The following PTCD3 variants were observed in gnomAD, a reference collection of about 807,000 sequenced individuals.
The protein encoded by PTCD3 is small ribosomal subunit protein mS39.
PTCD3 carries 89 observed loss-of-function variants against 101.9 expected under a neutral mutation model. The ratio of observed to expected loss-of-function variants is 0.87; its 90% CI spans 0.74 to 1.04. The LOEUF is 1.04. Ranked by LOEUF, PTCD3 falls within the 50% of genes least tolerant of loss-of-function variation. The pLI is 0.00. For synonymous variants in PTCD3, 296 were observed against 278.5 expected, an observed-to-expected ratio of 1.06 and a Z score of -0.63; for missense variants, 870 against 828.2, an observed-to-expected ratio of 1.05 and a Z score of -0.62.
rs1674687946 is a variant in PTCD3, at chr2:86,141,692, G to C, written c.*4133G>C. On this transcript the variant is annotated 3_prime_UTR_variant, in exon 24 of 24. Coordinates refer to ENST00000254630, the MANE Select transcript of PTCD3 (RefSeq NM_017952.6). ...CATCAGTGAGGAGGGAGGCAATAAAGTAATTTCAGAGTAAAACAGATTGAG... is the reference window on the plus strand; with the variant it reads ...CATCAGTGAGGAGGGAGGCAATAAACTAATTTCAGAGTAAAACAGATTGAG... 6.6e-6 allele frequency: 1 copy of C among 152,220 alleles called. No homozygotes were observed. The highest frequency in any genetic ancestry group is 1.5e-5 in the Non-Finnish European group (1 of 68,040). 9.4% of individuals were successfully genotyped at this position (152,220 alleles called of 1,614,324 possible).
chr2:86,120,424 G>A (rs555641945), intron 7 of PTCD3, among the ~76,000 whole-genome samples: 34 of 151,922 alleles, frequency 2.2e-4, no homozygotes, highest in African/African-American at 6.6e-4. Context: ...TCATTGGTGT[G>A]TTTTATAATA....
chr2:86,107,136 A>T (rs904884319), intron 1 of PTCD3: 1 of 471,018 alleles, frequency 2.1e-6, no homozygotes, highest in Non-Finnish European at 4.4e-6. Context: ...AAGAAAGAGA[A>T]ACCACTCCAT....
chr2:86,126,240 AAAAG>A (rs869098845), intron 12 of PTCD3, among the ~76,000 whole-genome samples: 13 of 150,808 alleles, frequency 8.6e-5, no homozygotes, highest in Admixed American at 8.6e-4. Flanking sequence ...AAAAAAAAAA[AAAAG>A]AAAAAGAAAC....
At position 86,134,900 on chromosome 2, in the gene PTCD3, TCAGACAGAC is replaced by T; in HGVS notation, c.1692_1700del (p.Arg565_Thr567del). 6.2e-7 allele frequency: 1 copy of T among 1,614,122 alleles called. No individual in the cohort carries two copies. The highest frequency in any genetic ancestry group is 1.1e-5 in the South Asian group (1 of 91,086). On this transcript the variant is annotated inframe_deletion, in exon 21 of 24. Coordinates refer to ENST00000254630, the MANE Select transcript of PTCD3 (RefSeq NM_017952.6). ...AAATCTGCGTATGAAAGCCAACCCA[TCAGACAGAC>T]TGCTCAGGATTGGCCAGCCACCTCT...
At chr2:86,114,209 A>C (rs1674140147) in intron 4 of PTCD3, among the ~76,000 whole-genome samples, 1 of 152,230 alleles carries the variant, frequency 6.6e-6, no homozygotes, top group South Asian at 2.1e-4. Flanking sequence ...GATATTGTGT[A>C]GTTCTAGAGG....
intron 14 of PTCD3, among the ~76,000 whole-genome samples, chr2:86,128,596 C>T (rs1674440550): frequency 6.6e-6 from 1 of 152,282 alleles, no homozygotes; most frequent in Admixed American, 6.5e-5. Context: ...ACATTTCCAT[C>T]TTTGCCAAAA....
At chr2:86,130,767 C>G in intron 15 of PTCD3, 30 bp downstream of exon 15, 4 of 1,609,426 alleles carry the variant, frequency 2.5e-6, no homozygotes, top group Non-Finnish European at 3.4e-6. Flanking sequence ...GTGTTTTCCT[C>G]CTCTAAAGAC....
Position 86,137,051 on chromosome 2 carries a change from A to G in PTCD3, c.1890A>G (p.Val630=), listed in dbSNP as rs1558801391. The G allele has an allele frequency of 6.2e-7, 1 of 1,613,892 alleles. No homozygotes were observed. Among genetic ancestry groups the G allele is most frequent in the South Asian group, 1.1e-5 (1 of 91,020 alleles). ...ACAGCCCTTCCCAGGCCATTGAAGT[A>G]GTAGAGCTGGCAAGTGCCTTCAGCT... is the stretch of plus-strand genomic sequence containing the variant. ...VSNSPSQAIE[V]VELASAFSLP... is the part of the protein sequence containing the mutation. Residue 630 remains valine, a synonymous_variant, in exon 23 of 24, where the codon GTA becomes GTG. Coordinates refer to ENST00000254630, the MANE Select transcript of PTCD3 (RefSeq NM_017952.6).
intron 6 of PTCD3, among the ~76,000 whole-genome samples, chr2:86,117,869 C>T (rs1326394638): frequency 6.6e-6 from 1 of 152,090 alleles, no homozygotes; most frequent in Non-Finnish European, 1.5e-5. Context: ...CTCTGCCGCC[C>T]GGGTTCAAGC....
chr2:86,133,249 T>TA lies in PTCD3; in HGVS notation c.1446dup (p.Pro483ThrfsTer29). The TA allele has an allele frequency of 6.2e-7, 1 of 1,614,160 alleles. No individual in the cohort carries two copies. The highest frequency in any genetic ancestry group is 1.1e-5 in the South Asian group (1 of 91,072). The stretch of plus-strand genomic sequence containing the variant: ...ACCTTGAAGTGGTATGAGGACCTGA[T>TA]ACCTTCAGTAAGATGGTTCATTACT... On this transcript the variant is annotated frameshift_variant, in exon 18 of 24. Transcript: ENST00000254630. LOFTEE classifies it high-confidence loss of function.
rs182779324 is a variant in PTCD3 at position 86,115,723 on chromosome 2, G to C, written c.241-807G>C. 7.7e-4 allele frequency among the ~76,000 whole-genome samples: 118 copies of C among 152,298 alleles called. 3 individuals are homozygous for C. In the East Asian group the frequency reaches 0.018, roughly 24 times the overall value. ...AGAGAATAAAGAAAGCAATTCTGGGGCATTTCTCAGTGGGGCCCCTGGTGG... is the reference window on the plus strand; with the variant it reads ...AGAGAATAAAGAAAGCAATTCTGGGCCATTTCTCAGTGGGGCCCCTGGTGG... On this transcript the variant is annotated intron_variant, in intron 4 of 23. Coordinates refer to ENST00000254630, the MANE Select transcript of PTCD3 (RefSeq NM_017952.6).
chr2:86,137,053 T>A lies in PTCD3; in HGVS notation c.1892T>A (p.Val631Glu). ...AGCCCTTCCCAGGCCATTGAAGTAG[T>A]AGAGCTGGCAAGTGCCTTCAGCTTA... The part of the protein sequence containing the change: ...SNSPSQAIEV[V>E]ELASAFSLPI... The change falls in exon 23 of 24, where the codon GTA becomes GAA. Residue 631 changes from valine (V) to glutamate (E), a missense_variant. Val to Glu is a moderately radical substitution (Grantham distance 121, BLOSUM62 -2). Transcript: ENST00000254630. 1 of 1,613,810 alleles carries A rather than the reference T, an allele frequency of 6.2e-7. No individual in the cohort carries two copies. The highest frequency in any genetic ancestry group is 8.5e-7 in the Non-Finnish European group (1 of 1,179,906).
rs115261851 is a variant in PTCD3, at chr2:86,106,632, G to C, written c.104+281G>C. Among the ~76,000 whole-genome samples the C allele has an allele frequency of 6.2e-3, 940 of 152,300 alleles. 8 individuals are homozygous for C. The highest frequency in any genetic ancestry group is 0.021 in the African/African-American group (859 of 41,554). ...TCTCATGAAGCTTGCGTTCCAGTGA[G>C]TGTGGCTATTAGCAACACTACCCCA... On this transcript the variant is annotated intron_variant, in intron 1 of 23. Transcript: ENST00000254630.
rs527907636 is a variant in PTCD3, at chr2:86,106,563, G to A, written c.104+212G>A. Among the ~76,000 whole-genome samples, 37 of 152,320 alleles carry A rather than the reference G, an allele frequency of 2.4e-4. 1 individual carries two copies. The highest frequency in any genetic ancestry group is 8.9e-4 in the African/African-American group (37 of 41,568). On this transcript the variant is annotated intron_variant, in intron 1 of 23. Coordinates refer to ENST00000254630, the MANE Select transcript of PTCD3 (RefSeq NM_017952.6). ...TTAGAGAAATACTTATTGGTTGCTTGCAATATTCTGTAGTTAACACCATCC... is the reference window on the plus strand; with the variant it reads ...TTAGAGAAATACTTATTGGTTGCTTACAATATTCTGTAGTTAACACCATCC...
chr2:86,120,022 T>G (rs1674253809), intron 7 of PTCD3, among the ~76,000 whole-genome samples: 1 of 152,192 alleles, frequency 6.6e-6, no homozygotes, highest in African/African-American at 2.4e-5. Context: ...CTGGACTGAA[T>G]CATTATACAC....
In PTCD3 at chr2:86,137,498, C is replaced by T. The variant is rs2104464488; in HGVS notation, c.2009C>T (p.Thr670Ile). ...GCCCTAAGTAATCTAACTGCATTGA[C>T]CAGTGACAGTGATACTGACAGCAGC... ...KEALSNLTALTSDSDTDSSSD... is the reference protein window; with the variant it reads ...KEALSNLTALISDSDTDSSSD... The change falls in exon 24 of 24, where the codon ACC (threonine) becomes ATC (isoleucine). Residue 670 changes from threonine to isoleucine, a missense_variant. Physicochemically the swap from Thr to Ile is moderately conservative, Grantham distance 89. Transcript: ENST00000254630. 1 of 1,613,598 alleles carries T rather than the reference C, an allele frequency of 6.2e-7. No individual in the cohort carries two copies. Among genetic ancestry groups the T allele is most frequent in the East Asian group, 2.2e-5 (1 of 44,830 alleles).
chr2:86,130,609 A>T, intron 14 of PTCD3, 39 bp from the exon 15 acceptor site: 1 of 1,592,806 alleles, frequency 6.3e-7, no homozygotes, highest in East Asian at 2.3e-5. Context: ...GTGGTGGTAA[A>T]GGAAGTGGAT....
At chr2:86,131,223 T>G (rs907979936) in intron 16 of PTCD3, 117 bp downstream of exon 16, 2 of 777,696 alleles carry the variant, frequency 2.6e-6, no homozygotes, top group Non-Finnish European at 3.9e-6. Flanking sequence ...TGCTTCTGTT[T>G]TTTCTTCTTT....
chr2:86,107,808 T>C (rs1202905937), intron 1 of PTCD3, among the ~76,000 whole-genome samples: 1 of 152,220 alleles, frequency 6.6e-6, no homozygotes, highest in Non-Finnish European at 1.5e-5. Context: ...CAGGGCAGTA[T>C]CTGTATAGAA....
Sources: allele counts gnomAD v4.1 joint callset (sites outside exome capture counted in the v4.1 genomes callset), GRCh38; gene constraint gnomAD v4.1.1; transcripts MANE v1.5; gene names NCBI Gene and HGNC (gene_info 2026-07-23, HGNC 2026-07-21).